IL17RA: variants seen among roughly 807,000 people sequenced by gnomAD.
IL17RA encodes the protein interleukin 17 receptor A, also known as interleukin-17 receptor A.
A neutral mutation model predicts 50.4 loss-of-function variants in IL17RA; 34 were observed. The ratio of observed to expected loss-of-function variants is 0.67; its 90% CI spans 0.51 to 0.90. IL17RA has a LOEUF of 0.90. Ranked by LOEUF, IL17RA falls within the 40% of genes least tolerant of loss-of-function variation. The pLI, the probability that IL17RA is intolerant of heterozygous loss-of-function variation, is 0.00. For synonymous variants in IL17RA, 585 were observed against 510.4 expected, an observed-to-expected ratio of 1.15 and a Z score of -1.97; for missense variants, 1,276 against 1,169.8, an observed-to-expected ratio of 1.09 and a Z score of -1.32.
intron 1 of IL17RA, among the ~76,000 whole-genome samples, chr22:17,092,589 C>T (rs1193780102): frequency 2.0e-5 from 3 of 151,328 alleles, no homozygotes; most frequent in African/African-American, 7.3e-5. Flanking sequence ...GAAGAAACCA[C>T]CCCCCGCCAA....
Position 17,109,808 on chromosome 22 carries a change from G to A in IL17RA, c.2589G>A (p.Gly863=). The change falls in exon 13 of 13, where the codon GGG becomes GGA. Residue 863 remains glycine (G), a synonymous_variant. Transcript: ENST00000319363. ...GWDTMGSESE[G]PSA ...ACACGATGGGGTCAGAGTCAGAGGG[G>A]CCCAGTGCATGAGGGCGGCTCCCCA... The A allele has an allele frequency of 4.5e-6, 7 of 1,549,640 alleles. No homozygotes were observed. Among genetic ancestry groups the A allele is most frequent in the Non-Finnish European group, 6.1e-6 (7 of 1,147,100 alleles).
At chr22:17,085,742 A>G (rs1485133160) in intron 1 of IL17RA, among the ~76,000 whole-genome samples, 4 of 152,046 alleles carry the variant, frequency 2.6e-5, no homozygotes, top group Non-Finnish European at 5.9e-5. Context: ...CGTGCCCTTC[A>G]TGCCGCCGAC....
Position 17,110,190 on chromosome 22 carries a change from C to T in IL17RA, c.*370C>T, listed in dbSNP as rs1266152563. 9 of 343,164 alleles carry T rather than the reference C, an allele frequency of 2.6e-5. No homozygotes were observed. Among genetic ancestry groups the T allele is most frequent in the East Asian group, 1.6e-4 (2 of 12,240 alleles). The allele number at this position is 343,164 out of a possible 1,614,324, so 21.3% of individuals were successfully genotyped here. Reference sequence around the variant, plus strand: ...CATGAAGGAACTTAACCGCTAGTGCCGAGGACACGTTAAACGAACAGGATG... The same window carrying T: ...CATGAAGGAACTTAACCGCTAGTGCTGAGGACACGTTAAACGAACAGGATG... On this transcript the variant is annotated 3_prime_UTR_variant, in exon 13 of 13. Transcript: ENST00000319363.
intron 7 of IL17RA, 58 bp downstream of exon 7, chr22:17,102,360 G>A: frequency 6.3e-7 from 1 of 1,583,794 alleles, no homozygotes; most frequent in Middle Eastern, 1.7e-4. Flanking sequence ...TCCAAGCCCT[G>A]AGTCTCTTCT....
At chr22:17,098,715 A>G in intron 3 of IL17RA, 60 bp from the exon 4 acceptor site, 1 of 1,359,914 alleles carries the variant, frequency 7.4e-7, no homozygotes. Flanking sequence ...GAAGTGACAC[A>G]CCCAGCACTT....
At chr22:17,094,664 T>TCTCTCTCTCTCTCTCTCTCC (rs2061359845) in intron 1 of IL17RA, among the ~76,000 whole-genome samples, 1 of 37,992 alleles carries the variant, frequency 2.6e-5, no homozygotes, top group African/African-American at 1.5e-4. Context: ...ACACTCTCTC[T>TCTCTCTCTCTCTCTCTCTCC]CTCTCTCTCT....
chr22:17,098,842 C>G lies in IL17RA; in HGVS notation c.378C>G (p.Cys126Trp), dbSNP rs757924870. 1.9e-6 allele frequency: 3 copies of G among 1,614,070 alleles called. No homozygotes were observed. The highest frequency in any genetic ancestry group is 2.5e-6 in the Non-Finnish European group (3 of 1,180,044). ...VLQLNTNERL[C>W]VRFEFLSKLR... ...AGCTGAACACCAATGAACGTTTGTG[C>G]GTCAGGTTTGAGTTTCTGTCCAAAC... Residue 126 changes from cysteine (C) to tryptophan (W), a missense_variant, in exon 4 of 13, where the codon TGC becomes TGG. Transcript: ENST00000319363.
At chr22:17,101,861 G>C in intron 5 of IL17RA, 135 bp from the exon 6 acceptor site, 1 of 1,031,190 alleles carries the variant, frequency 9.7e-7, no homozygotes, top group East Asian at 2.5e-5. Flanking sequence ...TCCAGCCCTG[G>C]AGCTCACTCT....
Position 17,110,017 on chromosome 22 carries a change from C to T in IL17RA, c.*197C>T, listed in dbSNP as rs1266063529. ...GCAGCGGTCTGGTTATCGTCTATCCCCAGGGGAATCCACACAGCCCGCTCC... is the reference window on the plus strand; with the variant it reads ...GCAGCGGTCTGGTTATCGTCTATCCTCAGGGGAATCCACACAGCCCGCTCC... On this transcript the variant is annotated 3_prime_UTR_variant, in exon 13 of 13. Coordinates refer to ENST00000319363, the MANE Select transcript of IL17RA (RefSeq NM_014339.7). The T allele has an allele frequency of 1.6e-6, 1 of 618,560 alleles. No homozygotes were observed. Among genetic ancestry groups the T allele is most frequent in the South Asian group, 2.0e-5 (1 of 50,726 alleles). The allele number at this position is 618,560 out of a possible 1,614,324, so 38.3% of individuals were successfully genotyped here.
rs2061394471 is a variant in IL17RA, at chr22:17,102,223, C to T, written c.683C>T (p.Thr228Ile). 1 of 1,614,182 alleles carries T rather than the reference C, an allele frequency of 6.2e-7. No homozygotes were observed. Residue 228 changes from threonine (T) to isoleucine (I), a missense_variant, in exon 7 of 13, where the codon ACC (threonine) becomes ATC (isoleucine). Transcript: ENST00000319363. ...RVSFTLWNES[T>I]HYQILLTSFP... Reference sequence around the variant, plus strand: ...AGCTTCACCCTGTGGAACGAATCTACCCATTACCAGATCCTGCTGACCAGT... The same window carrying T: ...AGCTTCACCCTGTGGAACGAATCTATCCATTACCAGATCCTGCTGACCAGT...
In IL17RA at chr22:17,102,197, G is replaced by A. The variant is rs774999877; in HGVS notation, c.657G>A (p.Val219=). The part of the protein sequence containing the change: ...VETLEAHQLR[V]SFTLWNESTH... The stretch of plus-strand genomic sequence containing the variant: ...CCCTGGAGGCCCACCAGCTGCGTGT[G>A]AGCTTCACCCTGTGGAACGAATCTA... Residue 219 remains valine, a synonymous_variant, in exon 7 of 13, where the codon GTG becomes GTA. Transcript: ENST00000319363. 7 of 1,614,176 alleles carry A rather than the reference G, an allele frequency of 4.3e-6. No individual in the cohort carries two copies. In the South Asian group the frequency reaches 6.6e-5, roughly 15 times the overall value.
chr22:17,085,059 C>T lies in IL17RA; in HGVS notation c.-33C>T. On this transcript the variant is annotated 5_prime_UTR_variant, in exon 1 of 13. Transcript: ENST00000319363. Reference sequence around the variant, plus strand: ...AACGTTCGTTCGCTGCGTCCCCAGCCGGGGCCGAGCCCTCCGCGACGCCAG... The same window carrying T: ...AACGTTCGTTCGCTGCGTCCCCAGCTGGGGCCGAGCCCTCCGCGACGCCAG... 2 of 1,290,202 alleles carry T rather than the reference C, an allele frequency of 1.6e-6. No homozygotes were observed. Among genetic ancestry groups the T allele is most frequent in the South Asian group, 4.7e-5 (2 of 42,836 alleles). 79.9% of individuals were successfully genotyped at this position (1,290,202 alleles called of 1,614,324 possible). A position where few individuals can be genotyped will look rare whatever the true frequency, so the allele number is the denominator to read the frequency against.
chr22:17,098,913 T>C, intron 4 of IL17RA, 26 bp downstream of exon 4: 1 of 1,523,606 alleles, frequency 6.6e-7, no homozygotes, highest in Non-Finnish European at 9.1e-7. Flanking sequence ...CTGAGTGGAT[T>C]ATGTTCCACT....
In IL17RA at chr22:17,103,570, A is replaced by C. The variant is rs1446576074; in HGVS notation, c.839A>C (p.Gln280Pro). 6.2e-7 allele frequency: 1 copy of C among 1,612,220 alleles called. No individual in the cohort carries two copies. The highest frequency in any genetic ancestry group is 1.7e-5 in the Admixed American group (1 of 59,902). Residue 280 changes from glutamine to proline, a missense_variant, in exon 8 of 13, where the codon CAA (glutamine) becomes CCA (proline). Transcript: ENST00000319363. ...LRNLKGCCRHQVQIQPFFSSC... is the reference protein window; with the variant it reads ...LRNLKGCCRHPVQIQPFFSSC... Reference sequence around the variant, plus strand: ...AACCTTAAAGGGTGCTGTCGCCACCAAGTGCAGGTGGGTGAGTGTGGTGTG... The same window carrying C: ...AACCTTAAAGGGTGCTGTCGCCACCCAGTGCAGGTGGGTGAGTGTGGTGTG...
chr22:17,113,919 C>A lies in IL17RA; in HGVS notation c.*4099C>A, dbSNP rs1328646067. 1.3e-5 allele frequency: 2 copies of A among 152,270 alleles called. No homozygotes were observed. Among genetic ancestry groups the A allele is most frequent in the Admixed American group, 1.3e-4 (2 of 15,290 alleles). The allele number at this position is 152,270 out of a possible 1,614,324, so 9.4% of individuals were successfully genotyped here. ...TGCAGTATCCCCGAGTGGCACCAGC[C>A]TGCTTCTGGGGCAGAGCAGTTTGTG... is the stretch of plus-strand genomic sequence containing the variant. On this transcript the variant is annotated 3_prime_UTR_variant, in exon 13 of 13. Coordinates refer to ENST00000319363, the MANE Select transcript of IL17RA (RefSeq NM_014339.7).
intron 3 of IL17RA, 27 bp from the exon 4 acceptor site, chr22:17,098,748 T>C (rs753806405): frequency 3.2e-6 from 5 of 1,584,798 alleles, no homozygotes; most frequent in East Asian, 2.2e-5. Flanking sequence ...CTGCATCTGT[T>C]TGTCTTCTCT....
Position 17,100,432 on chromosome 22 carries a change from C to T in IL17RA, c.501C>T (p.Pro167=), listed in dbSNP as rs2061386737. The T allele has an allele frequency of 1.2e-6, 2 of 1,614,136 alleles. No homozygotes were observed. The highest frequency in any genetic ancestry group is 1.7e-6 in the Non-Finnish European group (2 of 1,180,004). Residue 167 remains proline (P), a synonymous_variant, in exon 5 of 13, where the codon CCC becomes CCT. Transcript: ENST00000319363. ...YEVTVHHLPK[P]IPDGDPNHQS... is the part of the protein sequence containing the mutation. The stretch of plus-strand genomic sequence containing the variant: ...TGACCGTTCACCACCTGCCCAAGCC[C>T]ATCCCTGATGGGGACCCAAACCACC...
chr22:17,087,622 G>A (rs1261262660), intron 1 of IL17RA, among the ~76,000 whole-genome samples: 2 of 152,246 alleles, frequency 1.3e-5, no homozygotes, highest in Non-Finnish European at 2.9e-5. Context: ...AATGGTTCCA[G>A]ATGCTTGGGG....
rs1414517819 is a variant in IL17RA at position 17,097,071 on chromosome 22, T to A, written c.148T>A (p.Cys50Ser). The part of the protein sequence containing the change: ...ALVCSQPGLN[C>S]TVKNSTCLDD... Reference sequence around the variant, plus strand: ...CCTCTTTTTTCCACAGGGGCTAAACTGCACGGTCAAGAATAGTAAGTCATC... The same window carrying A: ...CCTCTTTTTTCCACAGGGGCTAAACAGCACGGTCAAGAATAGTAAGTCATC... The change falls in exon 2 of 13, where the codon TGC becomes AGC. Residue 50 changes from cysteine to serine, a missense_variant. Physicochemically the swap from Cys to Ser is moderately radical, Grantham distance 112. Coordinates refer to ENST00000319363, the MANE Select transcript of IL17RA (RefSeq NM_014339.7). The A allele has an allele frequency of 1.2e-6, 2 of 1,613,710 alleles. No individual in the cohort carries two copies. Among genetic ancestry groups the A allele is most frequent in the African/African-American group, 2.7e-5 (2 of 74,918 alleles).
Sources: gnomAD v4.1 joint callset for allele counts (sites outside exome capture counted in the v4.1 genomes callset) on GRCh38, gnomAD v4.1.1 for gene constraint, MANE v1.5 for transcripts, NCBI Gene and HGNC (gene_info 2026-07-23, HGNC 2026-07-21) for gene names.